The following CCSER1 variants were observed in gnomAD, a reference collection of about 807,000 sequenced individuals.
The protein encoded by CCSER1 is serine-rich coiled-coil domain-containing protein 1.
In CCSER1, 41 loss-of-function variants were observed where a neutral mutation model predicts 82.0. The observed-to-expected ratio is 0.50, with a 90% CI of 0.39 to 0.65. The LOEUF is 0.65. Ranked by LOEUF, CCSER1 falls within the 30% of genes least tolerant of loss-of-function variation. The pLI, the probability that CCSER1 is intolerant of heterozygous loss-of-function variation, is 0.00. For synonymous variants in CCSER1, 414 were observed against 383.9 expected, an observed-to-expected ratio of 1.08 and a Z score of -0.92; for missense variants, 1,119 against 1,064.2, an observed-to-expected ratio of 1.05 and a Z score of -0.72.
intron 10 of CCSER1, among the ~76,000 whole-genome samples, chr4:91,441,696 T>A (rs966657614): frequency 6.6e-6 from 1 of 152,168 alleles, no homozygotes; most frequent in Non-Finnish European, 1.5e-5. Context: ...TGTTTGCAGA[T>A]GACATGACTG....
At chr4:91,543,853 G>T (rs1761738601) in intron 10 of CCSER1, among the ~76,000 whole-genome samples, 1 of 152,150 alleles carries the variant, frequency 6.6e-6, no homozygotes, top group Non-Finnish European at 1.5e-5. Context: ...GGCCTACCTT[G>T]CTTGGTTGGG....
At chr4:90,252,355 A>C (rs1267902440) in intron 1 of CCSER1, among the ~76,000 whole-genome samples, 5 of 151,868 alleles carry the variant, frequency 3.3e-5, no homozygotes, top group Non-Finnish European at 7.4e-5. Context: ...GCATCTCACA[A>C]GTTTTATTTT....
chr4:90,131,227 C>T (rs1174404527), intron 1 of CCSER1, among the ~76,000 whole-genome samples: 4 of 152,304 alleles, frequency 2.6e-5, no homozygotes, highest in African/African-American at 7.2e-5. Context: ...TCTCGAACTC[C>T]GGACCTCAGT....
chr4:90,225,837 G>A (rs770135772), intron 1 of CCSER1, among the ~76,000 whole-genome samples: 5 of 152,104 alleles, frequency 3.3e-5, no homozygotes, highest in African/African-American at 4.8e-5. Flanking sequence ...ATTAAAATTG[G>A]CCACAGATGC....
intron 7 of CCSER1, among the ~76,000 whole-genome samples, chr4:90,790,410 C>T (rs1755075045): frequency 6.6e-6 from 1 of 152,180 alleles, no homozygotes; most frequent in Admixed American, 6.5e-5. Context: ...AGGTATACCT[C>T]TCCACATAAG....
intron 5 of CCSER1, among the ~76,000 whole-genome samples, chr4:90,583,497 G>A (rs932909280): frequency 6.6e-6 from 1 of 152,002 alleles, no homozygotes; most frequent in Non-Finnish European, 1.5e-5. Flanking sequence ...GTATACTTCT[G>A]TGAATTCTGT....
chr4:91,168,806 T>C (rs575991250), intron 10 of CCSER1, among the ~76,000 whole-genome samples: 2 of 152,136 alleles, frequency 1.3e-5, no homozygotes, highest in South Asian at 4.1e-4. Flanking sequence ...TGTTACTGTG[T>C]CTGTGTAGAA....
intron 8 of CCSER1, among the ~76,000 whole-genome samples, chr4:90,873,748 A>G (rs1192416610): frequency 6.6e-6 from 1 of 152,100 alleles, no homozygotes; most frequent in Non-Finnish European, 1.5e-5. Flanking sequence ...GGAAAAAGGC[A>G]ATTTTTAAAG....
chr4:91,233,024 T>C (rs1738741004), intron 10 of CCSER1, among the ~76,000 whole-genome samples: 1 of 151,816 alleles, frequency 6.6e-6, no homozygotes, highest in Non-Finnish European at 1.5e-5. Context: ...CTTAGCTACT[T>C]AGGATTGAGG....
At chr4:90,999,454 G>A (rs911203989) in intron 9 of CCSER1, among the ~76,000 whole-genome samples, 5 of 152,046 alleles carry the variant, frequency 3.3e-5, no homozygotes, top group Admixed American at 2.6e-4. Flanking sequence ...TCTCAATGTG[G>A]TTTCAATTTG....
intron 9 of CCSER1, among the ~76,000 whole-genome samples, chr4:91,010,351 CT>C (rs1275446699): frequency 4.6e-5 from 7 of 152,166 alleles, no homozygotes. Context: ...CCCTGTTTGT[CT>C]TTACTTTTTG....
chr4:90,827,243 T>C (rs761308793), intron 8 of CCSER1, among the ~76,000 whole-genome samples: 3 of 152,202 alleles, frequency 2.0e-5, no homozygotes, highest in African/African-American at 4.8e-5. Flanking sequence ...GTCATGATGA[T>C]TAACTGTCAT....
intron 10 of CCSER1, among the ~76,000 whole-genome samples, chr4:91,168,699 G>A (rs930585621): frequency 2.6e-5 from 4 of 151,914 alleles, no homozygotes; most frequent in African/African-American, 4.8e-5. Flanking sequence ...CAACAGCTCC[G>A]AAGAGACAGC....
intron 10 of CCSER1, among the ~76,000 whole-genome samples, chr4:91,123,122 C>A (rs2148894603): frequency 6.6e-6 from 1 of 151,772 alleles, no homozygotes; most frequent in Non-Finnish European, 1.5e-5. Context: ...AAGTGTATTT[C>A]ATCTCAGCTA....
intron 9 of CCSER1, 51 bp from the exon 10 acceptor site, chr4:91,085,899 T>C: frequency 9.9e-7 from 1 of 1,005,850 alleles, no homozygotes; most frequent in African/African-American, 1.6e-5. Context: ...ATATGAATTA[T>C]TATTTAATTC....
chr4:90,291,381 C>T (rs1159148091), intron 1 of CCSER1, among the ~76,000 whole-genome samples: 1 of 151,892 alleles, frequency 6.6e-6, no homozygotes, highest in African/African-American at 2.4e-5. Flanking sequence ...CTAAATGTTC[C>T]AAGATGCAAA....
intron 3 of CCSER1, among the ~76,000 whole-genome samples, chr4:90,364,405 C>T (rs1006003896): frequency 1.3e-5 from 2 of 151,684 alleles, no homozygotes; most frequent in African/African-American, 2.4e-5. Flanking sequence ...ATGAAAGGTT[C>T]GGAATCACTA....
chr4:90,305,245 A>T (rs1734050363), intron 1 of CCSER1, among the ~76,000 whole-genome samples: 1 of 152,290 alleles, frequency 6.6e-6, no homozygotes, highest in South Asian at 2.1e-4. Flanking sequence ...ATCCAAATGC[A>T]GGAAATACTT....
At chr4:90,775,318 G>A (rs1752752532) in intron 7 of CCSER1, among the ~76,000 whole-genome samples, 1 of 152,134 alleles carries the variant, frequency 6.6e-6, no homozygotes, top group African/African-American at 2.4e-5. Flanking sequence ...CTACAGCTTT[G>A]TGAGGTGCCT....
Sources: allele counts gnomAD v4.1 joint callset (sites outside exome capture counted in the v4.1 genomes callset), GRCh38; gene constraint gnomAD v4.1.1; transcripts MANE v1.5; gene names NCBI Gene and HGNC (gene_info 2026-07-23, HGNC 2026-07-21).